The following PON3 variants were observed in gnomAD, a reference collection of about 807,000 sequenced individuals.
The protein encoded by PON3 is paraoxonase 3, also known as serum paraoxonase/lactonase 3.
Under a neutral mutation model 36.3 loss-of-function variants are expected in PON3, and 37 were observed. That is an observed-to-expected ratio of 1.02 (90% CI 0.78 to 1.34). The LOEUF (loss-of-function observed/expected upper bound fraction) is 1.34, where lower values mean the gene tolerates loss of function less well. PON3 is among the 40% of genes most tolerant of loss of function. The probability of loss-of-function intolerance (pLI) is 0.00; values close to 1 mark genes in which losing one functional copy is unlikely to be tolerated. For missense variants in PON3, 415 were observed against 426.5 expected (o/e 0.97, Z 0.24); for synonymous variants, 155 against 154.8 (o/e 1.00, Z -0.01).
rs532567442 is a variant in PON3, at chr7:95,366,478, A to G, written c.494+884T>C. On this transcript the variant is annotated intron_variant, in intron 5 of 8. Transcript: ENST00000265627. ...AAATTAATACATGATGTTGAGAAAG[A>G]GAGCAAAGGAAAGAAGATGAACTTT... Among the ~76,000 whole-genome samples, 10 of 152,320 alleles carry G rather than the reference A, an allele frequency of 6.6e-5. 1 individual carries two copies. In the South Asian group the frequency reaches 2.1e-3, roughly 32 times the overall value.
chr7:95,389,762 G>T (rs1809278033), intron 3 of PON3, among the ~76,000 whole-genome samples: 1 of 152,182 alleles, frequency 6.6e-6, no homozygotes, highest in African/African-American at 2.4e-5. Flanking sequence ...CCAAATAAAG[G>T]CAGACATGGT....
rs188832842 is a variant in PON3, at chr7:95,371,748, T to C, written c.367+425A>G. ...TATCTCTCATTCTTTGGGTTGTTTT[T>C]CACTTTCTTGATGGTGTCTTTTGAA... On this transcript the variant is annotated intron_variant, in intron 4 of 8. Transcript: ENST00000265627. Among the ~76,000 whole-genome samples the C allele has an allele frequency of 9.4e-3, 1,432 of 152,328 alleles. 27 individuals are homozygous for C. The highest frequency in any genetic ancestry group is 0.033 in the African/African-American group (1,365 of 41,584).
intron 8 of PON3, among the ~76,000 whole-genome samples, chr7:95,361,503 C>T (rs182024823): frequency 6.6e-6 from 1 of 152,260 alleles, no homozygotes; most frequent in Non-Finnish European, 1.5e-5. Flanking sequence ...TATAGTAATC[C>T]TGATCCCCTT....
At chr7:95,366,882 C>G (rs774960307) in intron 5 of PON3, among the ~76,000 whole-genome samples, 2 of 152,216 alleles carry the variant, frequency 1.3e-5, no homozygotes, top group Non-Finnish European at 2.9e-5. Flanking sequence ...ATAGTCAATG[C>G]TTAACAAATG....
chr7:95,375,355 CAT>C (rs1278285373), intron 3 of PON3, among the ~76,000 whole-genome samples: 3 of 149,352 alleles, frequency 2.0e-5, no homozygotes, highest in African/African-American at 7.4e-5. Context: ...TACACACTCA[CAT>C]ATGTTAAAAA....
At chr7:95,393,925 C>T (rs1283794445) in intron 2 of PON3, among the ~76,000 whole-genome samples, 4 of 152,092 alleles carry the variant, frequency 2.6e-5, no homozygotes, top group East Asian at 1.9e-4. Context: ...GACAAAGTCT[C>T]GCTCTGTCGC....
At chr7:95,395,819 G>C (rs1809416756) in intron 1 of PON3, 1 of 197,874 alleles carries the variant, frequency 5.1e-6, no homozygotes, top group Non-Finnish European at 1.0e-5. Flanking sequence ...TTAAATCTAG[G>C]ATAGGTTCCA....
intron 6 of PON3, 82 bp from the exon 7 acceptor site, chr7:95,362,923 A>T (rs1371696175): frequency 1.1e-5 from 11 of 975,690 alleles, no homozygotes; most frequent in Non-Finnish European, 1.8e-5. Flanking sequence ...GAGGTATAAA[A>T]ATGCACACTC....
At chr7:95,364,931 A>C (rs574553535) in intron 5 of PON3, 1 of 152,218 alleles carries the variant, frequency 6.6e-6, no homozygotes, top group Non-Finnish European at 1.5e-5. Flanking sequence ...TTGAAAAAAT[A>C]ATGCTTAAAC....
In PON3 at chr7:95,359,943, C is replaced by CA; in HGVS notation, c.*29_*30insT. On this transcript the variant is annotated 3_prime_UTR_variant, in exon 9 of 9. Transcript: ENST00000265627. ...AGTTTACTTTTACAAAATATGTAGA[C>CA]TTTTTTTTTTTTTTTTTACTATCTA... The CA allele has an allele frequency of 6.8e-7, 1 of 1,464,990 alleles. No individual in the cohort carries two copies. 90.7% of individuals were successfully genotyped at this position (1,464,990 alleles called of 1,614,324 possible). A position where few individuals can be genotyped will look rare whatever the true frequency, so the allele number is the denominator to read the frequency against.
In PON3 at chr7:95,392,890, C is replaced by T. The variant is rs564162261; in HGVS notation, c.145+1754G>A. Among the ~76,000 whole-genome samples the T allele has an allele frequency of 3.3e-5, 5 of 152,348 alleles. No individual in the cohort carries two copies. In the East Asian group the frequency reaches 9.6e-4, roughly 29 times the overall value. ...AACCATTCCTTCTGAGGTCCTGCTC[C>T]TCTCCCAGAATGCTGTCAGCCAGTG... On this transcript the variant is annotated intron_variant, in intron 2 of 8. Transcript: ENST00000265627.
chr7:95,388,442 G>A (rs1355254723), intron 3 of PON3, among the ~76,000 whole-genome samples: 1 of 152,180 alleles, frequency 6.6e-6, no homozygotes, highest in African/African-American at 2.4e-5. Flanking sequence ...GGAAACAACA[G>A]ATGGTGGAGA....
At chr7:95,373,222 T>C (rs1412227176) in intron 3 of PON3, among the ~76,000 whole-genome samples, 1 of 151,990 alleles carries the variant, frequency 6.6e-6, no homozygotes, top group Non-Finnish European at 1.5e-5. Flanking sequence ...ATTCTCTCTT[T>C]CCTATTTCAC....
chr7:95,392,556 T>A (rs923177588), intron 2 of PON3, among the ~76,000 whole-genome samples: 1 of 152,228 alleles, frequency 6.6e-6, no homozygotes. Context: ...CATTTCCTTA[T>A]TTTTAAAATC....
intron 3 of PON3, among the ~76,000 whole-genome samples, chr7:95,383,406 T>G (rs1809109963): frequency 6.6e-6 from 1 of 152,154 alleles, no homozygotes; most frequent in South Asian, 2.1e-4. Flanking sequence ...AAAGAGGAAG[T>G]CAAATTGTCC....
chr7:95,392,171 A>G (rs1467304448), intron 2 of PON3, among the ~76,000 whole-genome samples: 1 of 152,262 alleles, frequency 6.6e-6, no homozygotes, highest in Admixed American at 6.5e-5. Flanking sequence ...CAAAACATAT[A>G]TATCAGTATT....
chr7:95,368,583 C>T (rs1808745801), intron 4 of PON3, among the ~76,000 whole-genome samples: 1 of 152,202 alleles, frequency 6.6e-6, no homozygotes, highest in Non-Finnish European at 1.5e-5. Context: ...TACTGAATCC[C>T]TCTTTCCAAA....
At chr7:95,396,169 A>G in intron 1 of PON3, 108 bp downstream of exon 1, 1 of 1,225,286 alleles carries the variant, frequency 8.2e-7, no homozygotes, top group Middle Eastern at 1.9e-4. Context: ...GTGAGGTTCC[A>G]AAGCTGCTCT....
At chr7:95,388,665 A>C (rs1297805965) in intron 3 of PON3, among the ~76,000 whole-genome samples, 1 of 152,220 alleles carries the variant, frequency 6.6e-6, no homozygotes, top group Non-Finnish European at 1.5e-5. Context: ...CACTGTTCAC[A>C]ATAGTAATGA....
Sources: allele counts gnomAD v4.1 joint callset (sites outside exome capture counted in the v4.1 genomes callset), GRCh38; gene constraint gnomAD v4.1.1; transcripts MANE v1.5; gene names NCBI Gene and HGNC (gene_info 2026-07-23, HGNC 2026-07-21).